The following AJAP1 variants were observed in gnomAD, a reference collection of about 807,000 sequenced individuals.
AJAP1 encodes adherens junction-associated protein 1.
Under a neutral mutation model 35.0 loss-of-function variants are expected in AJAP1, and 5 were observed. The observed-to-expected ratio is 0.14, with a 90% CI of 0.07 to 0.30. AJAP1 has a LOEUF of 0.30. AJAP1 is among the 10% of genes least tolerant of loss of function. AJAP1 has a pLI of 1.00. For synonymous variants in AJAP1, 284 were observed against 249.3 expected (o/e 1.14, Z -1.31); for missense variants, 586 against 571.0 (o/e 1.03, Z -0.27).
chr1:4,775,115 G>A (rs779998003), intron 5 of AJAP1, among the ~76,000 whole-genome samples: 2 of 152,152 alleles, frequency 1.3e-5, no homozygotes, highest in African/African-American at 2.4e-5. Context: ...GCCAGGAACC[G>A]GCACCAAAAC....
intron 3 of AJAP1, 86 bp from the exon 4 acceptor site, chr1:4,772,193 CG>C: frequency 4.5e-6 from 7 of 1,560,010 alleles, no homozygotes; most frequent in Non-Finnish European, 6.1e-6. Flanking sequence ...CGCCTGCAAG[CG>C]AAAGACCCAC....
intron 2 of AJAP1, among the ~76,000 whole-genome samples, chr1:4,749,910 G>T (rs1018988933): frequency 1.3e-5 from 2 of 152,118 alleles, no homozygotes; most frequent in Non-Finnish European, 2.9e-5. Flanking sequence ...GTTGGGTTTT[G>T]TGCTCATATA....
At chr1:4,657,997 C>A (rs1638919648) in intron 1 of AJAP1, among the ~76,000 whole-genome samples, 1 of 152,048 alleles carries the variant, frequency 6.6e-6, no homozygotes, top group Non-Finnish European at 1.5e-5. Flanking sequence ...CCAGAGCTCA[C>A]CCGTGGAGGA....
chr1:4,720,263 A>G lies in AJAP1; in HGVS notation c.829+7564A>G, dbSNP rs1274602208. Reference sequence around the variant, plus strand: ...GGGTCCCCGCTTTCGATGTGGTTCAACATGGTTCAGTGAATCTCACAACCG... The same window carrying G: ...GGGTCCCCGCTTTCGATGTGGTTCAGCATGGTTCAGTGAATCTCACAACCG... On this transcript the variant is annotated intron_variant, in intron 2 of 5. Transcript: ENST00000378191. The surrounding 1 kb of genome is among the most constrained non-coding windows in gnomAD (Gnocchi z 4.4). 6.6e-6 allele frequency among the ~76,000 whole-genome samples: 1 copy of G among 152,216 alleles called. No homozygotes were observed. Among genetic ancestry groups the G allele is most frequent in the Admixed American group, 6.5e-5 (1 of 15,286 alleles).
At chr1:4,752,091 A>G (rs184132727) in intron 2 of AJAP1, among the ~76,000 whole-genome samples, 1 of 152,098 alleles carries the variant, frequency 6.6e-6, no homozygotes, top group African/African-American at 2.4e-5. Flanking sequence ...GCCATCTCAG[A>G]CACATGAGAA....
intron 5 of AJAP1, among the ~76,000 whole-genome samples, chr1:4,776,949 G>A (rs1451656434): frequency 1.3e-5 from 2 of 152,206 alleles, no homozygotes; most frequent in Non-Finnish European, 2.9e-5. Flanking sequence ...ACGAAGCCAC[G>A]GCCCACTCCT....
chr1:4,735,604 AG>A (rs2100305629), intron 2 of AJAP1, among the ~76,000 whole-genome samples: 1 of 152,280 alleles, frequency 6.6e-6, no homozygotes, highest in East Asian at 1.9e-4. Context: ...CTGCACACGG[AG>A]GTCTCTCCTC....
In AJAP1 at chr1:4,774,467, G is replaced by C. The variant is rs747591295; in HGVS notation, c.1204G>C (p.Val402Leu). ...SDRHLIPVAF[V>L]SEKWFEISC The stretch of plus-strand genomic sequence containing the variant: ...TCGGCATCTTATTCCTGTGGCCTTC[G>C]TGTCTGAGAAATGGTTTGAAATCTC... Residue 402 changes from valine (V) to leucine (L), a missense_variant, in exon 5 of 6, where the codon GTG becomes CTG. Val to Leu is a conservative substitution (Grantham distance 32, BLOSUM62 1). Transcript: ENST00000378191. The C allele has an allele frequency of 9.3e-6, 15 of 1,614,072 alleles. No homozygotes were observed. The highest frequency in any genetic ancestry group is 1.2e-5 in the Non-Finnish European group (14 of 1,180,028).
chr1:4,688,956 G>A (rs937985531), intron 1 of AJAP1, among the ~76,000 whole-genome samples: 11 of 152,064 alleles, frequency 7.2e-5, no homozygotes, highest in African/African-American at 2.7e-4. Context: ...ACCCTGCCCT[G>A]CTCACTCACA....
At chr1:4,661,623 G>A (rs12406824) in intron 1 of AJAP1, among the ~76,000 whole-genome samples, 80,907 of 152,034 alleles carry the variant, frequency 0.53, 22,349 homozygotes, top group African/African-American at 0.68. Flanking sequence ...TAAGTTACAG[G>A]TTGCCCTTTT....
At chr1:4,773,798 G>A (rs1164897640) in intron 4 of AJAP1, among the ~76,000 whole-genome samples, 1 of 152,210 alleles carries the variant, frequency 6.6e-6, no homozygotes, top group Non-Finnish European at 1.5e-5. Context: ...GCCGTGGGCT[G>A]GCCTCTGTTG....
At chr1:4,672,008 G>A (rs554274552) in intron 1 of AJAP1, among the ~76,000 whole-genome samples, 5 of 152,266 alleles carry the variant, frequency 3.3e-5, no homozygotes, top group East Asian at 1.9e-4. Flanking sequence ...CCACCATCCC[G>A]GGGCGCCTAT....
Position 4,721,734 on chromosome 1 carries a change from A to G in AJAP1, c.829+9035A>G, listed in dbSNP as rs151302414. On this transcript the variant is annotated intron_variant, in intron 2 of 5. Transcript: ENST00000378191. ...GCTAAAGGGAGGAGAAAGAAAGGCC[A>G]GACTCTCCTAACCCTTGCAGAGCCA... Among the ~76,000 whole-genome samples, 928 of 152,308 alleles carry G rather than the reference A, an allele frequency of 6.1e-3. 12 individuals carry two copies. The highest frequency in any genetic ancestry group is 0.021 in the African/African-American group (885 of 41,578).
rs1641904380 is a variant in AJAP1 at position 4,774,519 on chromosome 1, C to T, written c.*20C>T. 2.5e-6 allele frequency: 4 copies of T among 1,610,950 alleles called. No individual in the cohort carries two copies. Among genetic ancestry groups the T allele is most frequent in the Non-Finnish European group, 3.4e-6 (4 of 1,177,454 alleles). The stretch of plus-strand genomic sequence containing the variant: ...TGCTGACTGGCCGAAGTCTTTTTTA[C>T]CTCCTGGGGGCAGGGCAGACGCCGT... On this transcript the variant is annotated 3_prime_UTR_variant, in exon 5 of 6. Transcript: ENST00000378191.
At position 4,783,543 on chromosome 1, in the gene AJAP1, ATGTTTGTGTGTG is replaced by A. The variant is rs1642110917; in HGVS notation, c.*1060_*1071del. 1 of 135,660 alleles carries A rather than the reference ATGTTTGTGTGTG, an allele frequency of 7.4e-6. No homozygotes were observed. The highest frequency in any genetic ancestry group is 7.3e-5 in the Admixed American group (1 of 13,650). The allele number at this position is 135,660 out of a possible 1,614,324, so 8.4% of individuals were successfully genotyped here. ...TGTGTATATATATATATATATATATATGTTTGTGTGTGTATATATATGTTTGTGTATATATAT... is the reference window on the plus strand; with the variant it reads ...TGTGTATATATATATATATATATATATATATATATGTTTGTGTATATATAT... On this transcript the variant is annotated 3_prime_UTR_variant, in exon 6 of 6. Transcript: ENST00000378191.
At chr1:4,670,737 C>G (rs749603921) in intron 1 of AJAP1, among the ~76,000 whole-genome samples, 3 of 152,246 alleles carry the variant, frequency 2.0e-5, no homozygotes, top group Admixed American at 6.5e-5. Context: ...CAAGAATGCA[C>G]TGGACAGCCT....
intron 1 of AJAP1, among the ~76,000 whole-genome samples, chr1:4,677,284 GCAGACAGT>G (rs1639382436): frequency 1.3e-5 from 2 of 152,208 alleles, no homozygotes; most frequent in African/African-American, 2.4e-5. Flanking sequence ...GGACCCGCCA[GCAGACAGT>G]CAGGGTGGGC....
At position 4,790,138 on chromosome 1, in the gene AJAP1, A is replaced by G. The variant is rs372533202; in HGVS notation, c.*7653A>G. On this transcript the variant is annotated 3_prime_UTR_variant, in exon 6 of 6. Transcript: ENST00000378191. ...AGTCTCAGGCTGCCGAGAGCCATGT[A>G]TGGGCATAGGAGCAAGCTGATGGCA... 1.3e-5 allele frequency: 2 copies of G among 152,248 alleles called. No individual in the cohort carries two copies. The highest frequency in any genetic ancestry group is 3.9e-4 in the East Asian group (2 of 5,190). 9.4% of individuals were successfully genotyped at this position (152,248 alleles called of 1,614,324 possible).
At chr1:4,724,688 C>T (rs1373119999) in intron 2 of AJAP1, among the ~76,000 whole-genome samples, 1 of 115,130 alleles carries the variant, frequency 8.7e-6, no homozygotes, top group Non-Finnish European at 1.6e-5. Flanking sequence ...CTGCTGTGCC[C>T]CTGGCTCCCA....
Sources: allele counts gnomAD v4.1 joint callset (sites outside exome capture counted in the v4.1 genomes callset), GRCh38; gene constraint gnomAD v4.1.1; non-coding constraint Gnocchi (gnomAD v3.1); transcripts MANE v1.5; gene names NCBI Gene and HGNC (gene_info 2026-07-23, HGNC 2026-07-21).